HS6ST2: variants seen among roughly 807,000 people sequenced by gnomAD.
The protein encoded by HS6ST2 is heparan sulfate 6-O-sulfotransferase 2, also known as heparan-sulfate 6-O-sulfotransferase 2.
HS6ST2 carries 17 observed loss-of-function variants against 33.0 expected under a neutral mutation model. The ratio of observed to expected loss-of-function variants is 0.52; its 90% CI spans 0.35 to 0.77. The LOEUF is 0.77. Among genes scored for constraint, HS6ST2 ranks in the 30% least tolerant of loss-of-function variants. The pLI, the probability that HS6ST2 is intolerant of heterozygous loss-of-function variation, is 0.01. For missense variants in HS6ST2, 519 were observed against 551.7 expected, an observed-to-expected ratio of 0.94 and a Z score of 0.59; for synonymous variants, 248 against 237.1, an observed-to-expected ratio of 1.05 and a Z score of -0.42.
intron 2 of HS6ST2, among the ~76,000 whole-genome samples, chrX:132,845,738 G>GA (rs1166395917): frequency 9.0e-6 from 1 of 111,296 alleles, no homozygotes; most frequent in African/African-American, 3.3e-5. Flanking sequence ...AGTATATATA[G>GA]AAATAGATGC....
At chrX:132,849,280 CAAG>C (rs955582151) in intron 2 of HS6ST2, among the ~76,000 whole-genome samples, 27 of 110,704 alleles carry the variant, frequency 2.4e-4, no homozygotes, top group African/African-American at 7.9e-4. Context: ...AACGTGGATG[CAAG>C]AAGAAGAAGG....
chrX:132,873,040 G>T (rs2066078183), intron 2 of HS6ST2, among the ~76,000 whole-genome samples: 2 of 111,120 alleles, frequency 1.8e-5, no homozygotes, highest in Non-Finnish European at 3.8e-5. Flanking sequence ...CTGCATTAAG[G>T]CCAGTTAAAC....
chrX:132,752,479 A>C lies in HS6ST2; in HGVS notation c.948-43985T>G, dbSNP rs980895163. The stretch of plus-strand genomic sequence containing the variant: ...ATAGTGAGACTCCGTCTCAAAAAAA[A>C]AAAAAAAAAAAGAACTGACACCAGA... On this transcript the variant is annotated intron_variant, in intron 2 of 4. Transcript: ENST00000370833. Among the ~76,000 whole-genome samples, 3 of 109,158 alleles carry C rather than the reference A, an allele frequency of 2.7e-5. No homozygotes were observed. The Admixed American group carries it at 2.9e-4, about 11-fold the overall frequency. The allele number at this position is 109,158 out of a possible 115,157, so 94.8% of individuals were successfully genotyped here. A position where few individuals can be genotyped will look rare whatever the true frequency, so the allele number is the denominator to read the frequency against.
intron 2 of HS6ST2, among the ~76,000 whole-genome samples, chrX:132,929,331 A>G (rs2066741486): frequency 9.0e-6 from 1 of 110,696 alleles, no homozygotes; most frequent in Non-Finnish European, 1.9e-5. Context: ...TTTACAGAAA[A>G]CACACATGAC....
chrX:132,627,851 A>C lies in HS6ST2; in HGVS notation c.*372T>G. ...CAAGATTGGGTTTTAACAGTGTATC[A>C]TGAATAATTTAAAGTCCATTTCTTA... is the stretch of plus-strand genomic sequence containing the variant. On this transcript the variant is annotated 3_prime_UTR_variant, in exon 5 of 5. Coordinates refer to ENST00000370833, the MANE Select transcript of HS6ST2 (RefSeq NM_001394073.1). 7.8e-6 allele frequency: 1 copy of C among 128,321 alleles called. No homozygotes were observed. The highest frequency in any genetic ancestry group is 1.6e-5 in the Non-Finnish European group (1 of 62,513). 10.6% of individuals were successfully genotyped at this position (128,321 alleles called of 1,213,427 possible).
At chrX:132,899,967 C>A (rs769122711) in intron 2 of HS6ST2, among the ~76,000 whole-genome samples, 3 of 110,671 alleles carry the variant, frequency 2.7e-5, no homozygotes, top group Non-Finnish European at 1.9e-5. Flanking sequence ...AAAAAAAAAA[C>A]TGTCTTTCAA....
intron 4 of HS6ST2, among the ~76,000 whole-genome samples, chrX:132,663,783 A>C (rs903364549): frequency 8.9e-6 from 1 of 112,133 alleles, no homozygotes. Context: ...ATACACACAC[A>C]TACTTTCATA....
chrX:132,855,276 C>A (rs761419812), intron 2 of HS6ST2, among the ~76,000 whole-genome samples: 1 of 112,332 alleles, frequency 8.9e-6, no homozygotes, highest in Admixed American at 9.4e-5. Flanking sequence ...CCAAACATCA[C>A]ACCAGTGCTT....
At position 132,876,648 on chromosome X, in the gene HS6ST2, C is replaced by A. The variant is rs781310436; in HGVS notation, c.947+80160G>T. ...GCACAGTCCTGAAGGAACACCCACTCCTTTATGGTGGGAGGGGGGTGAGAG... is the reference window on the plus strand; with the variant it reads ...GCACAGTCCTGAAGGAACACCCACTACTTTATGGTGGGAGGGGGGTGAGAG... On this transcript the variant is annotated intron_variant, in intron 2 of 4. Transcript: ENST00000370833. Among the ~76,000 whole-genome samples the A allele has an allele frequency of 2.7e-5, 3 of 110,315 alleles. No individual in the cohort carries two copies. In the South Asian group the frequency reaches 1.2e-3, roughly 44 times the overall value.
chrX:132,904,392 C>A (rs990890738), intron 2 of HS6ST2, among the ~76,000 whole-genome samples: 1 of 111,687 alleles, frequency 9.0e-6, no homozygotes, highest in African/African-American at 3.3e-5. Flanking sequence ...TATGAATATT[C>A]TCATTTTGCG....
chrX:132,849,489 G>A (rs1359294468), intron 2 of HS6ST2, among the ~76,000 whole-genome samples: 4 of 111,768 alleles, frequency 3.6e-5, no homozygotes, highest in Admixed American at 1.9e-4. Context: ...TGACTGCTGG[G>A]AAACACTGTA....
chrX:132,756,457 T>C (rs750555016), intron 2 of HS6ST2, among the ~76,000 whole-genome samples: 1 of 111,528 alleles, frequency 9.0e-6, no homozygotes, highest in Non-Finnish European at 1.9e-5. Context: ...ATCTCTCTCA[T>C]TGACTCCTTT....
intron 2 of HS6ST2, among the ~76,000 whole-genome samples, chrX:132,856,395 C>T (rs1304374891): frequency 2.7e-5 from 3 of 112,020 alleles, no homozygotes; most frequent in African/African-American, 9.7e-5. Flanking sequence ...TATAGGGTTT[C>T]AGGCATCCGC....
At chrX:132,632,774 A>G (rs2063526874) in intron 4 of HS6ST2, among the ~76,000 whole-genome samples, 1 of 110,897 alleles carries the variant, frequency 9.0e-6, no homozygotes, top group Non-Finnish European at 1.9e-5. Flanking sequence ...TTTATTTTGA[A>G]AAACAAGAAT....
intron 2 of HS6ST2, among the ~76,000 whole-genome samples, chrX:132,726,155 C>T (rs1237046278): frequency 2.9e-5 from 2 of 69,071 alleles, no homozygotes; most frequent in Admixed American, 2.5e-4. Flanking sequence ...TTTAAAATAA[C>T]TAGGTGTGTA....
intron 2 of HS6ST2, among the ~76,000 whole-genome samples, chrX:132,812,405 A>AAATAATAAT (rs55880539): frequency 0.015 from 1,275 of 84,872 alleles, 15 homozygotes; most frequent in South Asian, 0.035. Context: ...ACTCTGTCTC[A>AAATAATAAT]AATAATAATA....
chrX:132,791,064 T>C (rs1602679807), intron 2 of HS6ST2, among the ~76,000 whole-genome samples: 1 of 110,583 alleles, frequency 9.0e-6, no homozygotes. Context: ...GGAGGATTGC[T>C]TGAGCCCAGG....
At position 132,763,817 on chromosome X, in the gene HS6ST2, T is replaced by C. The variant is rs143508258; in HGVS notation, c.948-55323A>G. On this transcript the variant is annotated intron_variant, in intron 2 of 4. Transcript: ENST00000370833. ...TGAAGAGTTGTCATCCATCACCAAA[T>C]AGAAAGCAATCTCTCCTGATGGAAA... 7.5e-3 allele frequency among the ~76,000 whole-genome samples: 838 copies of C among 111,847 alleles called. 4 individuals are homozygous for C. The highest frequency in any genetic ancestry group is 0.026 in the African/African-American group (796 of 30,788).
At chrX:132,650,593 G>T (rs757824776) in intron 4 of HS6ST2, among the ~76,000 whole-genome samples, 1 of 110,445 alleles carries the variant, frequency 9.1e-6, no homozygotes, top group Non-Finnish European at 1.9e-5. Context: ...TTGCCTTTGG[G>T]GTCCTCAGTG....
Sources: gnomAD v4.1 joint callset for allele counts (sites outside exome capture counted in the v4.1 genomes callset) on GRCh38, gnomAD v4.1.1 for gene constraint, MANE v1.5 for transcripts, NCBI Gene and HGNC (gene_info 2026-07-23, HGNC 2026-07-21) for gene names.